Variants in UBE4A observed in about 807,000 individuals in gnomAD.
UBE4A encodes the protein ubiquitin conjugation factor E4 A.
UBE4A carries 48 observed loss-of-function variants against 117.9 expected under a neutral mutation model. The ratio of observed to expected loss-of-function variants is 0.41; its 90% CI spans 0.32 to 0.52. The LOEUF (loss-of-function observed/expected upper bound fraction) is 0.52, where lower values mean the gene tolerates loss of function less well. UBE4A is among the 20% of genes least tolerant of loss of function. The probability of loss-of-function intolerance (pLI) is 0.33; values close to 1 mark genes in which losing one functional copy is unlikely to be tolerated. For missense variants in UBE4A, 1,067 were observed against 1,296.3 expected, an observed-to-expected ratio of 0.82 and a Z score of 2.72; for synonymous variants, 407 against 450.0, an observed-to-expected ratio of 0.90 and a Z score of 1.21.
Position 118,399,069 on chromosome 11 carries a change from CAG to C in UBE4A, c.*2631_*2632del. The C allele has an allele frequency of 2.2e-6, 1 of 456,340 alleles. No individual in the cohort carries two copies. Among genetic ancestry groups the C allele is most frequent in the Non-Finnish European group, 4.4e-6 (1 of 226,802 alleles). 28.3% of individuals were successfully genotyped at this position (456,340 alleles called of 1,614,324 possible). A position where few individuals can be genotyped will look rare whatever the true frequency, so the allele number is the denominator to read the frequency against. Reference sequence around the variant, plus strand: ...GCTCAACAGGAAATGAACCTAGAAACAGAAAATGAAAAGGTTGATTGAAATAA... The same window carrying C: ...GCTCAACAGGAAATGAACCTAGAAACAAAATGAAAAGGTTGATTGAAATAA... On this transcript the variant is annotated 3_prime_UTR_variant, in exon 20 of 20. Transcript: ENST00000252108.
chr11:118,394,509 G>A (rs541556978), intron 19 of UBE4A, among the ~76,000 whole-genome samples: 34 of 152,240 alleles, frequency 2.2e-4, no homozygotes, highest in Admixed American at 4.6e-4. Flanking sequence ...AGTGGCTCAC[G>A]TCTGTAATCC....
At chr11:118,369,308 C>T in intron 3 of UBE4A, 115 bp from the exon 4 acceptor site, 2 of 694,112 alleles carry the variant, frequency 2.9e-6, no homozygotes, top group Non-Finnish European at 5.0e-6. Context: ...GTATCAGGAT[C>T]ATTCTGGTAT....
chr11:118,384,967 A>G, intron 15 of UBE4A, 22 bp downstream of exon 15: 2 of 1,394,564 alleles, frequency 1.4e-6, no homozygotes, highest in Non-Finnish European at 2.0e-6. Flanking sequence ...AAAAAAAAAA[A>G]AGATTTAACT....
intron 1 of UBE4A, among the ~76,000 whole-genome samples, chr11:118,361,008 ATT>A (rs71301652): frequency 7.6e-5 from 8 of 104,882 alleles, no homozygotes; most frequent in Admixed American, 1.1e-4. Flanking sequence ...GTGTGTGTGT[ATT>A]TTTTTTTTTT....
chr11:118,364,828 G>C (rs922244868), intron 1 of UBE4A, among the ~76,000 whole-genome samples: 1 of 152,080 alleles, frequency 6.6e-6, no homozygotes, highest in African/African-American at 2.4e-5. Flanking sequence ...TTTAGTTTCA[G>C]CTATCCACAA....
chr11:118,360,097 G>T (rs527873412), intron 1 of UBE4A, among the ~76,000 whole-genome samples: 12 of 152,292 alleles, frequency 7.9e-5, no homozygotes, highest in African/African-American at 2.9e-4. Context: ...ATCGTGAGTC[G>T]TAAGCAAACC....
chr11:118,365,115 G>A lies in UBE4A; in HGVS notation c.35G>A (p.Ser12Asn), dbSNP rs1431448993. 6.2e-7 allele frequency: 1 copy of A among 1,614,042 alleles called. No individual in the cohort carries two copies. The highest frequency in any genetic ancestry group is 1.7e-5 in the Admixed American group (1 of 60,008). The change falls in exon 2 of 20, where the codon AGT (serine) becomes AAT (asparagine). Residue 12 changes from serine (S) to asparagine (N), a missense_variant. Physicochemically the swap from Ser to Asn is conservative, Grantham distance 46. This residue lies in a region of UBE4A where 1,001 missense variants were observed against 1,184.0 expected (regional missense o/e 0.85). Coordinates refer to ENST00000252108, the MANE Select transcript of UBE4A (RefSeq NM_001204077.2). Reference protein sequence around the residue: ...TDQENNNNISSNPFAALFGSL... With the variant: ...TDQENNNNISNNPFAALFGSL... ...CAGGAGAATAACAACAACATCTCAA[G>A]TAACCCCTTTGCTGCTCTTTTTGGC... is the stretch of plus-strand genomic sequence containing the variant.
rs1565528687 is a variant in UBE4A at position 118,365,171 on chromosome 11, A to G, written c.91A>G (p.Ile31Val). 2.5e-6 allele frequency: 4 copies of G among 1,611,402 alleles called. No individual in the cohort carries two copies. The highest frequency in any genetic ancestry group is 3.4e-6 in the Non-Finnish European group (4 of 1,178,858). The change falls in exon 2 of 20, where the codon ATC (isoleucine) becomes GTC (valine). Residue 31 changes from isoleucine to valine, a missense_variant. Ile to Val is a conservative substitution (Grantham distance 29). This residue lies in a region of UBE4A where 1,001 missense variants were observed against 1,184.0 expected (regional missense o/e 0.85). Coordinates refer to ENST00000252108, the MANE Select transcript of UBE4A (RefSeq NM_001204077.2). ...SLADAKQFAA[I>V]QKEQLKQQSD... ...GGCTGATGCCAAACAGTTTGCGGCA[A>G]TCCAAAAAGAGCAGCTGAAGCAACA... is the stretch of plus-strand genomic sequence containing the variant.
intron 1 of UBE4A, 32 bp from the exon 2 acceptor site, chr11:118,365,008 C>T: frequency 1.3e-6 from 2 of 1,508,354 alleles, no homozygotes; most frequent in Non-Finnish European, 1.8e-6. Flanking sequence ...TGTCATCTGC[C>T]CTCTTGTGTC....
intron 15 of UBE4A, among the ~76,000 whole-genome samples, chr11:118,386,028 T>G (rs1015414145): frequency 5.9e-5 from 9 of 152,178 alleles, no homozygotes; most frequent in South Asian, 2.1e-4. Context: ...TGATAGAGCT[T>G]TGATTTTTTT....
chr11:118,363,818 A>G (rs1026547421), intron 1 of UBE4A, among the ~76,000 whole-genome samples: 2 of 152,110 alleles, frequency 1.3e-5, no homozygotes, highest in African/African-American at 4.8e-5. Flanking sequence ...GGGTTTCACC[A>G]TGTTGGCCAG....
chr11:118,390,453 A>G (rs1226175487), intron 17 of UBE4A, among the ~76,000 whole-genome samples: 3 of 145,504 alleles, frequency 2.1e-5, no homozygotes, highest in Non-Finnish European at 4.5e-5. Flanking sequence ...AATAAAATAT[A>G]TATTATATTT....
intron 7 of UBE4A, 63 bp from the exon 8 acceptor site, chr11:118,373,431 C>T: frequency 6.4e-7 from 1 of 1,555,840 alleles, no homozygotes; most frequent in Non-Finnish European, 8.7e-7. Context: ...TTTTGAGGCC[C>T]TCCCACCCCA....
intron 10 of UBE4A, among the ~76,000 whole-genome samples, chr11:118,377,861 C>T (rs956450195): frequency 1.3e-5 from 2 of 149,770 alleles, no homozygotes; most frequent in African/African-American, 2.5e-5. Context: ...TGCAGTGAGC[C>T]GAGATTGCGC....
At chr11:118,391,411 C>G (rs1369596058) in intron 18 of UBE4A, among the ~76,000 whole-genome samples, 1 of 151,090 alleles carries the variant, frequency 6.6e-6, no homozygotes, top group African/African-American at 2.4e-5. Flanking sequence ...ATCGCTTGAA[C>G]CTGGGAGGCG....
chr11:118,389,974 G>A, intron 17 of UBE4A, 69 bp downstream of exon 17: 1 of 1,394,228 alleles, frequency 7.2e-7, no homozygotes, highest in Admixed American at 2.2e-5. Flanking sequence ...ATAGTAGAAT[G>A]ACTGGTTGGT....
intron 12 of UBE4A, 151 bp downstream of exon 12, chr11:118,381,674 A>G (rs1555126367): frequency 1.1e-5 from 12 of 1,047,142 alleles, no homozygotes; most frequent in Non-Finnish European, 1.1e-5. Flanking sequence ...CCATATGGGT[A>G]GCCAGAAATC....
At chr11:118,395,932 G>C (rs942571292) in intron 19 of UBE4A, among the ~76,000 whole-genome samples, 1 of 152,100 alleles carries the variant, frequency 6.6e-6, no homozygotes, top group East Asian at 1.9e-4. Context: ...AAAATTAGCT[G>C]AGTGTCATGG....
Position 118,365,164 on chromosome 11 carries a change from T to C in UBE4A, c.84T>C (p.Phe28=), listed in dbSNP as rs1948552704. Residue 28 remains phenylalanine (F), a synonymous_variant, in exon 2 of 20, where the codon TTT becomes TTC. Coordinates refer to ENST00000252108, the MANE Select transcript of UBE4A (RefSeq NM_001204077.2). ...GCTCCCTGGCTGATGCCAAACAGTTTGCGGCAATCCAAAAAGAGCAGCTGA... is the reference window on the plus strand; with the variant it reads ...GCTCCCTGGCTGATGCCAAACAGTTCGCGGCAATCCAAAAAGAGCAGCTGA... ...LFGSLADAKQ[F]AAIQKEQLKQ... is the part of the protein sequence containing the mutation. 12 of 1,612,854 alleles carry C rather than the reference T, an allele frequency of 7.4e-6. No homozygotes were observed. Among genetic ancestry groups the C allele is most frequent in the Non-Finnish European group, 1.0e-5 (12 of 1,179,552 alleles).
Sources: allele counts gnomAD v4.1 joint callset (sites outside exome capture counted in the v4.1 genomes callset), GRCh38; gene constraint gnomAD v4.1.1; regional missense constraint gnomAD v4.1.1; transcripts MANE v1.5; gene names NCBI Gene and HGNC (gene_info 2026-07-23, HGNC 2026-07-21).